The following GRIK1 variants were observed in gnomAD, a reference collection of about 807,000 sequenced individuals.
GRIK1 encodes glutamate receptor ionotropic, kainate 1.
In GRIK1, 69 loss-of-function variants were observed where a neutral mutation model predicts 105.7. The observed-to-expected ratio is 0.65, with a 90% CI of 0.54 to 0.80. The LOEUF (loss-of-function observed/expected upper bound fraction) is 0.80, where lower values mean the gene tolerates loss of function less well. GRIK1 is among the 30% of genes least tolerant of loss of function. The pLI is 0.00. For missense variants in GRIK1, 1,109 were observed against 1,167.3 expected (o/e 0.95, Z 0.73); for synonymous variants, 438 against 431.3 (o/e 1.02, Z -0.19).
intron 1 of GRIK1, among the ~76,000 whole-genome samples, chr21:29,769,796 C>G (rs143269297): frequency 6.6e-6 from 1 of 152,248 alleles, no homozygotes; most frequent in South Asian, 2.1e-4. Flanking sequence ...TTACGGCCCT[C>G]AGGAGCAACC....
At chr21:29,615,289 T>C (rs755302980) in intron 7 of GRIK1, among the ~76,000 whole-genome samples, 2 of 151,164 alleles carry the variant, frequency 1.3e-5, no homozygotes, top group African/African-American at 2.5e-5. Flanking sequence ...TTTGCCTTCA[T>C]GGCCCACTAT....
chr21:29,939,549 C>G lies in GRIK1; in HGVS notation c.-49G>C, dbSNP rs762757122. Reference sequence around the variant, plus strand: ...CGAGATACAGCCGCTGCCGGACGCCCGAGAGATGCACCCAACTTGGGCCGG... The same window carrying G: ...CGAGATACAGCCGCTGCCGGACGCCGGAGAGATGCACCCAACTTGGGCCGG... On this transcript the variant is annotated 5_prime_UTR_variant, in exon 1 of 18. Coordinates refer to ENST00000327783, the MANE Select transcript of GRIK1 (RefSeq NM_001330994.2). 53 of 1,228,098 alleles carry G rather than the reference C, an allele frequency of 4.3e-5. No individual in the cohort carries two copies. Among genetic ancestry groups the G allele is most frequent in the Non-Finnish European group, 5.7e-5 (50 of 876,752 alleles). 76.1% of individuals were successfully genotyped at this position (1,228,098 alleles called of 1,614,324 possible).
chr21:29,658,012 G>A (rs1335227641), intron 4 of GRIK1, among the ~76,000 whole-genome samples: 1 of 152,182 alleles, frequency 6.6e-6, no homozygotes, highest in African/African-American at 2.4e-5. Flanking sequence ...TTTTGATACA[G>A]TACTTGTCTG....
intron 7 of GRIK1, among the ~76,000 whole-genome samples, chr21:29,637,891 C>T (rs761337658): frequency 5.9e-5 from 9 of 152,156 alleles, no homozygotes; most frequent in Non-Finnish European, 8.8e-5. Flanking sequence ...TTCCTGGCTT[C>T]GTTGCAGTTG....
chr21:29,726,246 A>G (rs2064455766), intron 1 of GRIK1, among the ~76,000 whole-genome samples: 1 of 152,200 alleles, frequency 6.6e-6, no homozygotes, highest in Non-Finnish European at 1.5e-5. Context: ...AGGCCAGAAT[A>G]TTTAACTCTT....
At chr21:29,876,728 C>T (rs1011600108) in intron 1 of GRIK1, among the ~76,000 whole-genome samples, 7 of 152,056 alleles carry the variant, frequency 4.6e-5, no homozygotes, top group African/African-American at 1.7e-4. Flanking sequence ...GTCTTGTAAG[C>T]GTGCTTTATT....
rs544544073 is a variant in GRIK1 at position 29,625,465 on chromosome 21, C to T, written c.1098+17361G>A. Among the ~76,000 whole-genome samples, 7 of 152,208 alleles carry T rather than the reference C, an allele frequency of 4.6e-5. No homozygotes were observed. In the East Asian group the frequency reaches 7.7e-4, roughly 17 times the overall value. On this transcript the variant is annotated intron_variant, in intron 7 of 17. Transcript: ENST00000327783. ...AACCTCTTACCATACTTCATTCAGCCGCCAACCAGTTCCCAAGAGTGGAGT... is the reference window on the plus strand; with the variant it reads ...AACCTCTTACCATACTTCATTCAGCTGCCAACCAGTTCCCAAGAGTGGAGT...
chr21:29,834,821 A>C (rs467014), intron 1 of GRIK1, among the ~76,000 whole-genome samples: 58,166 of 149,540 alleles, frequency 0.39, 12,393 homozygotes, highest in East Asian at 0.7. Flanking sequence ...ATTAATATTG[A>C]ATATTATTTT....
intron 1 of GRIK1, among the ~76,000 whole-genome samples, chr21:29,902,937 T>C (rs180814486): frequency 2.6e-5 from 4 of 152,266 alleles, no homozygotes; most frequent in Non-Finnish European, 5.9e-5. Context: ...AACAGATATA[T>C]AGACCAATGG....
intron 1 of GRIK1, among the ~76,000 whole-genome samples, chr21:29,869,009 C>G (rs938499966): frequency 1.3e-5 from 2 of 152,160 alleles, no homozygotes; most frequent in Non-Finnish European, 2.9e-5. Flanking sequence ...AACAAGACAG[C>G]CTGGCATACA....
At position 29,673,207 on chromosome 21, in the gene GRIK1, G is replaced by C; in HGVS notation, c.545-43C>G. On this transcript the variant is annotated intron_variant, in intron 3 of 17. Coordinates refer to ENST00000327783, the MANE Select transcript of GRIK1 (RefSeq NM_001330994.2). Reference sequence around the variant, plus strand: ...ATCATGCAATGGAGACTGTTCTGTCGACAGAGTATTGTTTATTGCCATTTA... The same window carrying C: ...ATCATGCAATGGAGACTGTTCTGTCCACAGAGTATTGTTTATTGCCATTTA... 5 of 1,345,836 alleles carry C rather than the reference G, an allele frequency of 3.7e-6. No individual in the cohort carries two copies. The Middle Eastern group carries it at 6.0e-4, about 161-fold the overall frequency. The allele number at this position is 1,345,836 out of a possible 1,614,324, so 83.4% of individuals were successfully genotyped here.
At chr21:29,603,564 CTATT>C (rs1370162456) in intron 7 of GRIK1, among the ~76,000 whole-genome samples, 3 of 152,158 alleles carry the variant, frequency 2.0e-5, no homozygotes, top group African/African-American at 4.8e-5. Context: ...CCTCTTGTGT[CTATT>C]TAGGTACACC....
chr21:29,620,397 A>G (rs1379664105), intron 7 of GRIK1, among the ~76,000 whole-genome samples: 1 of 152,216 alleles, frequency 6.6e-6, no homozygotes, highest in Admixed American at 6.5e-5. Flanking sequence ...GTTACAAGGC[A>G]AGAATAAAAT....
At chr21:29,689,167 G>A (rs1197110286) in intron 3 of GRIK1, among the ~76,000 whole-genome samples, 1 of 152,018 alleles carries the variant, frequency 6.6e-6, no homozygotes, top group Non-Finnish European at 1.5e-5. Context: ...TGGCTGATGA[G>A]GACTGGACTC....
chr21:29,749,296 A>G (rs1472012778), intron 1 of GRIK1, among the ~76,000 whole-genome samples: 1 of 152,218 alleles, frequency 6.6e-6, no homozygotes, highest in East Asian at 1.9e-4. Context: ...TTTACTCAGA[A>G]TTTATGCAGC....
chr21:29,642,961 C>G lies in GRIK1; in HGVS notation c.963G>C (p.Ala321=), dbSNP rs112476306. Residue 321 remains alanine (A), a synonymous_variant, in exon 7 of 18, where the codon GCG becomes GCC. Coordinates refer to ENST00000327783, the MANE Select transcript of GRIK1 (RefSeq NM_001330994.2). ...GLLDGMMTTE[A]ALMYDAVYMV... Reference sequence around the variant, plus strand: ...TGTACACAGCATCGTACATCAGAGCCGCTTCAGTCTGTGGAGGAAAACACA... The same window carrying G: ...TGTACACAGCATCGTACATCAGAGCGGCTTCAGTCTGTGGAGGAAAACACA... The G allele has an allele frequency of 6.2e-7, 1 of 1,613,504 alleles. No individual in the cohort carries two copies. The highest frequency in any genetic ancestry group is 8.5e-7 in the Non-Finnish European group (1 of 1,179,762).
chr21:29,767,380 T>A (rs1215997759), intron 1 of GRIK1, among the ~76,000 whole-genome samples: 1 of 152,166 alleles, frequency 6.6e-6, no homozygotes, highest in East Asian at 1.9e-4. Flanking sequence ...TTTTGAACAT[T>A]TTCTATAATT....
At chr21:29,746,374 G>T (rs2065049114) in intron 1 of GRIK1, among the ~76,000 whole-genome samples, 1 of 152,314 alleles carries the variant, frequency 6.6e-6, no homozygotes, top group African/African-American at 2.4e-5. Context: ...CAGTGTAAGG[G>T]CAAGGACAAA....
chr21:29,917,955 C>T (rs1321210819), intron 1 of GRIK1, among the ~76,000 whole-genome samples: 2 of 151,592 alleles, frequency 1.3e-5, no homozygotes, highest in Non-Finnish European at 2.9e-5. Flanking sequence ...CTTTAATATG[C>T]CCCCCTGACT....
Sources: allele counts gnomAD v4.1 joint callset (sites outside exome capture counted in the v4.1 genomes callset), GRCh38; gene constraint gnomAD v4.1.1; transcripts MANE v1.5; gene names NCBI Gene and HGNC (gene_info 2026-07-23, HGNC 2026-07-21).